SLMAP: variants seen among roughly 807,000 people sequenced by gnomAD.
SLMAP encodes sarcolemma associated protein.
In SLMAP, 44 loss-of-function variants were observed where a neutral mutation model predicts 128.8. The observed-to-expected ratio is 0.34, with a 90% CI of 0.27 to 0.44. The LOEUF is 0.44. Among genes scored for constraint, SLMAP ranks in the 20% least tolerant of loss-of-function variants. The probability of loss-of-function intolerance (pLI) is 1.00; values close to 1 mark genes in which losing one functional copy is unlikely to be tolerated. For missense variants in SLMAP, 787 were observed against 985.3 expected (o/e 0.80, Z 2.69); for synonymous variants, 327 against 348.8 (o/e 0.94, Z 0.70).
At chr3:57,858,198 GT>G (rs1483380538) in intron 8 of SLMAP, 39 bp downstream of exon 8, 1 of 1,087,766 alleles carries the variant, frequency 9.2e-7, no homozygotes, top group South Asian at 1.3e-5. Context: ...GAAATGCATA[GT>G]TTTTTATGTA....
intron 2 of SLMAP, among the ~76,000 whole-genome samples, chr3:57,795,829 C>T (rs2086611637): frequency 6.6e-6 from 1 of 151,896 alleles, no homozygotes. Context: ...ATAACTCTCC[C>T]TTCCCCCTCC....
At chr3:57,810,449 C>T (rs954085041) in intron 2 of SLMAP, among the ~76,000 whole-genome samples, 1 of 152,136 alleles carries the variant, frequency 6.6e-6, no homozygotes, top group Non-Finnish European at 1.5e-5. Context: ...GCCAGAAAAG[C>T]GACACCCCAA....
intron 14 of SLMAP, among the ~76,000 whole-genome samples, chr3:57,886,616 T>G: frequency 7.2e-6 from 1 of 139,636 alleles, no homozygotes; most frequent in African/African-American, 2.7e-5. Context: ...TTAAAGAAAA[T>G]TTGAGGTTTA....
At position 57,912,474 on chromosome 3, in the gene SLMAP, G is replaced by T; in HGVS notation, c.1793G>T (p.Arg598Leu). 1 of 1,614,132 alleles carries T rather than the reference G, an allele frequency of 6.2e-7. No individual in the cohort carries two copies. The highest frequency in any genetic ancestry group is 8.5e-7 in the Non-Finnish European group (1 of 1,179,994). ...TSTRDELLSA[R>L]DEILLLHQAA... is the part of the protein sequence containing the mutation. The stretch of plus-strand genomic sequence containing the variant: ...ACTAGAGATGAATTGCTTAGTGCCC[G>T]AGATGAAATTTTGCTCCTTCATCAA... The change falls in exon 20 of 25, where the codon CGA (arginine) becomes CTA (leucine). Residue 598 changes from arginine to leucine, a missense_variant. Physicochemically the swap from Arg to Leu is moderately radical, Grantham distance 102. Transcript: ENST00000671191.
At chr3:57,877,908 C>T (rs2095642886) in intron 14 of SLMAP, among the ~76,000 whole-genome samples, 1 of 147,474 alleles carries the variant, frequency 6.8e-6, no homozygotes, top group South Asian at 2.2e-4. Flanking sequence ...GATCTCGACT[C>T]ACTGCAACCT....
chr3:57,796,323 C>T (rs2086725401), intron 2 of SLMAP, among the ~76,000 whole-genome samples: 1 of 152,174 alleles, frequency 6.6e-6, no homozygotes, highest in African/African-American at 2.4e-5. Flanking sequence ...TTGTAATAAA[C>T]TTCCAGGAGA....
At chr3:57,907,642 A>G (rs2096601541) in intron 17 of SLMAP, among the ~76,000 whole-genome samples, 1 of 152,192 alleles carries the variant, frequency 6.6e-6, no homozygotes, top group Admixed American at 6.6e-5. Context: ...AGAATTGTGA[A>G]TATATAATTT....
intron 2 of SLMAP, among the ~76,000 whole-genome samples, chr3:57,792,818 C>CA (rs1277096343): frequency 1.3e-5 from 2 of 151,950 alleles, no homozygotes; most frequent in African/African-American, 4.8e-5. Flanking sequence ...GTCTGGGCTA[C>CA]ATTATGTTTC....
intron 2 of SLMAP, among the ~76,000 whole-genome samples, chr3:57,775,822 C>A (rs1263175879): frequency 1.3e-5 from 2 of 152,054 alleles, no homozygotes; most frequent in Non-Finnish European, 2.9e-5. Flanking sequence ...CCTGAGGCTC[C>A]CAAGTAACTG....
intron 2 of SLMAP, among the ~76,000 whole-genome samples, chr3:57,767,608 T>G (rs935567351): frequency 6.6e-6 from 1 of 152,220 alleles, no homozygotes; most frequent in African/African-American, 2.4e-5. Context: ...TTTAAAAGGT[T>G]TTAGAATAAT....
At chr3:57,816,114 A>G (rs888800247) in intron 2 of SLMAP, among the ~76,000 whole-genome samples, 1 of 151,638 alleles carries the variant, frequency 6.6e-6, no homozygotes, top group African/African-American at 2.4e-5. Flanking sequence ...TACAGCTTGA[A>G]TTTAAACCGT....
At position 57,756,354 on chromosome 3, in the gene SLMAP, C is replaced by G. The variant is rs916062391; in HGVS notation, c.-1105+12C>G. On this transcript the variant is annotated intron_variant, in intron 1 of 24. Transcript: ENST00000671191. ...CCGGCGCTGGCAAGGTAAGCTGAGG[C>G]GGTGGTGGCGGCTAGGGAGGTAGGA... 1 of 153,282 alleles carries G rather than the reference C, an allele frequency of 6.5e-6. No individual in the cohort carries two copies. Among genetic ancestry groups the G allele is most frequent in the African/African-American group, 2.4e-5 (1 of 41,444 alleles). The allele number at this position is 153,282 out of a possible 1,614,324, so 9.5% of individuals were successfully genotyped here.
At chr3:57,853,955 T>TTTTA (rs1491461131) in intron 6 of SLMAP, among the ~76,000 whole-genome samples, 62 of 31,944 alleles carry the variant, frequency 1.9e-3, no homozygotes, top group African/African-American at 4.0e-3. Flanking sequence ...AAAAAAAAAA[T>TTTTA]TATATATATA....
At chr3:57,876,051 G>T (rs1560369332) in intron 14 of SLMAP, among the ~76,000 whole-genome samples, 1 of 152,154 alleles carries the variant, frequency 6.6e-6, no homozygotes, top group Non-Finnish European at 1.5e-5. Flanking sequence ...GTGCAGTGCT[G>T]CTTCATATTT....
At chr3:57,910,290 A>G (rs1213943346) in intron 19 of SLMAP, among the ~76,000 whole-genome samples, 1 of 152,068 alleles carries the variant, frequency 6.6e-6, no homozygotes, top group Non-Finnish European at 1.5e-5. Flanking sequence ...CCCGAGTTCA[A>G]GTGATTCTGG....
At chr3:57,840,069 C>G (rs1020003147) in intron 3 of SLMAP, among the ~76,000 whole-genome samples, 2 of 152,298 alleles carry the variant, frequency 1.3e-5, no homozygotes, top group Non-Finnish European at 2.9e-5. Flanking sequence ...GATCCACCTG[C>G]CTCGGCCTCC....
chr3:57,772,707 C>A (rs1478590273), intron 2 of SLMAP, among the ~76,000 whole-genome samples: 1 of 151,620 alleles, frequency 6.6e-6, no homozygotes, highest in Non-Finnish European at 1.5e-5. Context: ...GTGGCATGAT[C>A]TCGGCTCACC....
At chr3:57,857,229 A>G (rs2094836160) in intron 6 of SLMAP, among the ~76,000 whole-genome samples, 1 of 152,222 alleles carries the variant, frequency 6.6e-6, no homozygotes, top group Non-Finnish European at 1.5e-5. Flanking sequence ...TTTCAGCCCA[A>G]CAAATGAGAC....
intron 13 of SLMAP, among the ~76,000 whole-genome samples, chr3:57,869,656 A>ATATATATATATATATATC (rs2095432422): frequency 7.3e-6 from 1 of 136,262 alleles, no homozygotes; most frequent in African/African-American, 2.7e-5. Flanking sequence ...ATATATATAT[A>ATATATATATATATATATC]TATAATATAT....
Sources: gnomAD v4.1 joint callset for allele counts (sites outside exome capture counted in the v4.1 genomes callset) on GRCh38, gnomAD v4.1.1 for gene constraint, MANE v1.5 for transcripts, NCBI Gene and HGNC (gene_info 2026-07-23, HGNC 2026-07-21) for gene names.